Variants in ASL observed in about 807,000 individuals in gnomAD.
ASL encodes argininosuccinate lyase.
In ASL, 51 loss-of-function variants were observed where a neutral mutation model predicts 69.1. The ratio of observed to expected loss-of-function variants is 0.74; its 90% CI spans 0.59 to 0.93. The LOEUF is 0.93. Ranked by LOEUF, ASL falls within the 40% of genes least tolerant of loss-of-function variation. The pLI, the probability that ASL is intolerant of heterozygous loss-of-function variation, is 0.00. For synonymous variants in ASL, 241 were observed against 247.6 expected, an observed-to-expected ratio of 0.97 and a Z score of 0.25; for missense variants, 540 against 623.9, an observed-to-expected ratio of 0.87 and a Z score of 1.43.
Position 66,087,585 on chromosome 7 carries a change from C to A in ASL, c.656-144C>A, listed in dbSNP as rs1786706658. Reference sequence around the variant, plus strand: ...GGTACTGAGAGACTCAGGGCTCCTGCCTCCCTCCTGGGACTGTGCAAAAGA... The same window carrying A: ...GGTACTGAGAGACTCAGGGCTCCTGACTCCCTCCTGGGACTGTGCAAAAGA... On this transcript the variant is annotated intron_variant, in intron 9 of 16. Transcript: ENST00000304874. 5.0e-6 allele frequency: 5 copies of A among 990,112 alleles called. No homozygotes were observed. In the South Asian group the frequency reaches 5.5e-5, roughly 11 times the overall value. 61.3% of individuals were successfully genotyped at this position (990,112 alleles called of 1,614,324 possible). A position where few individuals can be genotyped will look rare whatever the true frequency, so the allele number is the denominator to read the frequency against.
intron 14 of ASL, among the ~76,000 whole-genome samples, chr7:66,091,311 A>G (rs1457771689): frequency 6.6e-6 from 1 of 151,428 alleles, no homozygotes; most frequent in Non-Finnish European, 1.5e-5. Context: ...TAATCCCAGC[A>G]CTTTGAGAAG....
intron 15 of ASL, among the ~76,000 whole-genome samples, chr7:66,092,291 A>G (rs560196528): frequency 6.6e-6 from 1 of 151,884 alleles, no homozygotes; most frequent in East Asian, 1.9e-4. Flanking sequence ...GTCTCTTTTG[A>G]TGTAAAAATA....
intron 2 of ASL, among the ~76,000 whole-genome samples, 180 bp downstream of exon 2, chr7:66,076,273 T>A (rs551136041): frequency 6.6e-6 from 1 of 152,310 alleles, no homozygotes; most frequent in South Asian, 2.1e-4. Flanking sequence ...GCAGTCACCT[T>A]TACCAGGACT....
At chr7:66,080,348 T>C (rs1489599396) in intron 2 of ASL, among the ~76,000 whole-genome samples, 1 of 128,196 alleles carries the variant, frequency 7.8e-6, no homozygotes. Context: ...ATCCTGCCAC[T>C]GCACTCCAGC....
chr7:66,088,436 G>T (rs1441738741), intron 10 of ASL, among the ~76,000 whole-genome samples: 1 of 151,934 alleles, frequency 6.6e-6, no homozygotes, highest in African/African-American at 2.4e-5. Flanking sequence ...AGCCAAGATT[G>T]TGCCACTGTA....
chr7:66,085,722 C>T (rs186298364), intron 6 of ASL, among the ~76,000 whole-genome samples: 2 of 152,166 alleles, frequency 1.3e-5, no homozygotes, highest in Non-Finnish European at 2.9e-5. Flanking sequence ...ATTCTCCTGC[C>T]TCAGCCCTCC....
At chr7:66,084,185 G>T (rs572119462) in intron 6 of ASL, among the ~76,000 whole-genome samples, 1 of 151,242 alleles carries the variant, frequency 6.6e-6, no homozygotes, top group African/African-American at 2.4e-5. Flanking sequence ...TTTGAGACAG[G>T]GTTTTGCTCT....
In ASL at chr7:66,086,750, C is replaced by G; in HGVS notation, c.531C>G (p.Ala177=). 3 of 1,605,870 alleles carry G rather than the reference C, an allele frequency of 1.9e-6. No homozygotes were observed. Among genetic ancestry groups the G allele is most frequent in the Non-Finnish European group, 2.5e-6 (3 of 1,176,786 alleles). ...IRWSHWILSH[A]VALTRDSERL... is the part of the protein sequence containing the mutation. ...TGCCCCTGGCTTCCCACAGCCACGC[C>G]GTGGCACTGACCCGAGACTCTGAGC... The change falls in exon 8 of 17, where the codon GCC becomes GCG. Residue 177 remains alanine, a synonymous_variant. Coordinates refer to ENST00000304874, the MANE Select transcript of ASL (RefSeq NM_000048.4).
chr7:66,086,823 T>G lies in ASL; in HGVS notation c.602+2T>G, dbSNP rs1584028092. 6.4e-7 allele frequency: 1 copy of G among 1,569,068 alleles called. No individual in the cohort carries two copies. The highest frequency in any genetic ancestry group is 8.6e-7 in the Non-Finnish European group (1 of 1,158,116). On this transcript the variant is annotated splice_donor_variant, in intron 8 of 16. Coordinates refer to ENST00000304874, the MANE Select transcript of ASL (RefSeq NM_000048.4). LOFTEE classifies it high-confidence loss of function. Reference sequence around the variant, plus strand: ...GATCAATGTCCTGCCCCTGGGGAGGTGGGTGAGGCTCCAGTGCCCCGAGGG... The same window carrying G: ...GATCAATGTCCTGCCCCTGGGGAGGGGGGTGAGGCTCCAGTGCCCCGAGGG...
At chr7:66,082,103 A>G (rs540760430) in intron 3 of ASL, 106 bp downstream of exon 3, 7 of 1,363,654 alleles carry the variant, frequency 5.1e-6, no homozygotes, top group African/African-American at 2.9e-5. Flanking sequence ...GTGGTTTCAC[A>G]TTGAACTAAT....
intron 11 of ASL, 22 bp from the exon 12 acceptor site, chr7:66,089,069 G>A: frequency 6.2e-7 from 1 of 1,613,692 alleles, no homozygotes. Context: ...AGCCCCTTCA[G>A]CGCCAGCACC....
rs769506424 is a variant in ASL at position 66,089,282 on chromosome 7, G to A, written c.925G>A (p.Gly309Arg). 40 of 1,610,088 alleles carry A rather than the reference G, an allele frequency of 2.5e-5. No individual in the cohort carries two copies. Among genetic ancestry groups the A allele is most frequent in the Non-Finnish European group, 3.4e-5 (40 of 1,178,412 alleles). The change falls in exon 13 of 17, where the codon GGG (glycine) becomes AGG (arginine). Residue 309 changes from glycine to arginine, a missense_variant. By Grantham distance (125) the Gly-to-Arg change is moderately radical. Transcript: ENST00000304874. ...TGCCTCCCTCTTCCCGCAGTGTGCCGGGCTCCTGATGACCCTCAAGGGACT... is the reference window on the plus strand; with the variant it reads ...TGCCTCCCTCTTCCCGCAGTGTGCCAGGCTCCTGATGACCCTCAAGGGACT... The part of the protein sequence containing the change: ...KAGRVFGRCA[G>R]LLMTLKGLPS...
Position 66,089,322 on chromosome 7 carries a change from A to G in ASL, c.965A>G (p.Asn322Ser), listed in dbSNP as rs767240274. Residue 322 changes from asparagine to serine, a missense_variant, in exon 13 of 17, where the codon AAC becomes AGC. Transcript: ENST00000304874. ...MTLKGLPSTYNKDLQEDKEAV... is the reference protein window; with the variant it reads ...MTLKGLPSTYSKDLQEDKEAV... ...CTCAAGGGACTTCCCAGCACCTACAACAAAGACTTACAGGTGCGAGGCCGG... is the reference window on the plus strand; with the variant it reads ...CTCAAGGGACTTCCCAGCACCTACAGCAAAGACTTACAGGTGCGAGGCCGG... 1.0e-5 allele frequency: 16 copies of G among 1,607,302 alleles called. No individual in the cohort carries two copies. The highest frequency in any genetic ancestry group is 1.3e-5 in the Non-Finnish European group (15 of 1,176,894).
intron 11 of ASL, 67 bp downstream of exon 11, chr7:66,088,988 T>A: frequency 6.2e-7 from 1 of 1,605,162 alleles, no homozygotes; most frequent in Non-Finnish European, 8.5e-7. Flanking sequence ...CCCGCGGACG[T>A]GGCTGCCTTC....
intron 2 of ASL, among the ~76,000 whole-genome samples, chr7:66,076,455 C>T (rs910649005): frequency 6.6e-6 from 1 of 152,190 alleles, no homozygotes; most frequent in African/African-American, 2.4e-5. Context: ...CCTGTCAGGT[C>T]CCACCCCACA....
intron 2 of ASL, 29 bp downstream of exon 2, chr7:66,076,122 T>A (rs376836768): frequency 2.5e-5 from 40 of 1,584,220 alleles, no homozygotes; most frequent in Admixed American, 8.9e-5. Flanking sequence ...ACTCCGGTCC[T>A]CCTAGCCTCC....
chr7:66,091,055 G>A (rs553027470), intron 14 of ASL, among the ~76,000 whole-genome samples: 14 of 139,018 alleles, frequency 1.0e-4, no homozygotes, highest in African/African-American at 8.3e-5. Flanking sequence ...CAGAGATCAC[G>A]CCACTGCGCT....
Position 66,089,008 on chromosome 7 carries a change from C to A in ASL, c.834-83C>A, listed in dbSNP as rs574132928. 5 of 1,609,036 alleles carry A rather than the reference C, an allele frequency of 3.1e-6. No homozygotes were observed. The African/African-American group carries it at 6.7e-5, about 21-fold the overall frequency. ...GGACGTGGCTGCCTTCCTCCCCGTCCCACCCCTCCGCCAGACCTGGCCATT... is the reference window on the plus strand; with the variant it reads ...GGACGTGGCTGCCTTCCTCCCCGTCACACCCCTCCGCCAGACCTGGCCATT... On this transcript the variant is annotated intron_variant, in intron 11 of 16. Coordinates refer to ENST00000304874, the MANE Select transcript of ASL (RefSeq NM_000048.4).
intron 15 of ASL, 70 bp from the exon 16 acceptor site, chr7:66,092,487 T>C: frequency 7.6e-7 from 1 of 1,311,386 alleles, no homozygotes; most frequent in Non-Finnish European, 1.1e-6. Flanking sequence ...AGGAAGGGGG[T>C]GCAGGCAATG....
Sources: gnomAD v4.1 joint callset for allele counts (sites outside exome capture counted in the v4.1 genomes callset) on GRCh38, gnomAD v4.1.1 for gene constraint, MANE v1.5 for transcripts, NCBI Gene and HGNC (gene_info 2026-07-23, HGNC 2026-07-21) for gene names.